The following TAFA4 variants were observed in gnomAD, a reference collection of about 807,000 sequenced individuals.
TAFA4 encodes the protein chemokine-like protein TAFA-4.
A neutral mutation model predicts 21.1 loss-of-function variants in TAFA4; 20 were observed. That is an observed-to-expected ratio of 0.95 (90% CI 0.67 to 1.38). The LOEUF (loss-of-function observed/expected upper bound fraction) is 1.38, where lower values mean the gene tolerates loss of function less well. Among genes scored for constraint, TAFA4 ranks in the 40% most tolerant of loss-of-function variants. The probability of loss-of-function intolerance (pLI) is 0.00; values close to 1 mark genes in which losing one functional copy is unlikely to be tolerated. For synonymous variants in TAFA4, 71 were observed against 67.4 expected, an observed-to-expected ratio of 1.05 and a Z score of -0.26; for missense variants, 211 against 180.9, an observed-to-expected ratio of 1.17 and a Z score of -0.95.
intron 1 of TAFA4, chr3:68,913,731 C>G (rs1438977663): frequency 6.6e-6 from 1 of 150,414 alleles, no homozygotes; most frequent in Non-Finnish European, 1.5e-5. Flanking sequence ...TTATCTGTTA[C>G]TAATCTGATC....
chr3:68,771,561 C>T (rs1029999900), intron 3 of TAFA4, among the ~76,000 whole-genome samples: 15 of 152,208 alleles, frequency 9.9e-5, no homozygotes, highest in African/African-American at 3.4e-4. Flanking sequence ...TAGGAGTAAA[C>T]ATTTCCAGAT....
At chr3:68,931,413 T>C (rs1357656007) in intron 1 of TAFA4, among the ~76,000 whole-genome samples, 1 of 152,124 alleles carries the variant, frequency 6.6e-6, no homozygotes, top group Non-Finnish European at 1.5e-5. Flanking sequence ...CGTTAAATGA[T>C]GCTGATTCGA....
intron 3 of TAFA4, among the ~76,000 whole-genome samples, chr3:68,847,417 C>T (rs1218406337): frequency 6.6e-6 from 1 of 152,248 alleles, no homozygotes; most frequent in African/African-American, 2.4e-5. Context: ...GTGCTGGCAG[C>T]AAGAATTTCA....
intron 1 of TAFA4, among the ~76,000 whole-genome samples, chr3:68,888,860 C>G (rs2089702847): frequency 1.3e-5 from 2 of 152,088 alleles, no homozygotes; most frequent in South Asian, 4.2e-4. Flanking sequence ...TAATCCACCT[C>G]TTCATAATCC....
intron 3 of TAFA4, among the ~76,000 whole-genome samples, chr3:68,856,409 C>A (rs563650034): frequency 1.3e-5 from 2 of 152,286 alleles, no homozygotes; most frequent in South Asian, 4.1e-4. Flanking sequence ...ATAGGCACCA[C>A]AGTTGCTTAT....
intron 5 of TAFA4, among the ~76,000 whole-genome samples, chr3:68,737,112 T>C (rs1702255140): frequency 1.3e-5 from 2 of 152,148 alleles, no homozygotes; most frequent in South Asian, 4.1e-4. Flanking sequence ...CTCATGATCT[T>C]GTTTTATATT....
At chr3:68,810,242 T>C (rs1374044550) in intron 3 of TAFA4, among the ~76,000 whole-genome samples, 1 of 152,100 alleles carries the variant, frequency 6.6e-6, no homozygotes, top group Admixed American at 6.6e-5. Flanking sequence ...GCTCCCAGCA[T>C]GAGAGACGCA....
At chr3:68,742,278 G>C (rs145385964) in intron 4 of TAFA4, among the ~76,000 whole-genome samples, 39 of 92,932 alleles carry the variant, frequency 4.2e-4, no homozygotes, top group Admixed American at 1.3e-3. Context: ...CTATTCAATA[G>C]AGTACCAAAA....
chr3:68,902,985 T>C (rs2089858853), intron 1 of TAFA4, among the ~76,000 whole-genome samples: 2 of 148,558 alleles, frequency 1.3e-5, no homozygotes, highest in South Asian at 4.3e-4. Context: ...TGGCCATTTC[T>C]ATAATAGACG....
At chr3:68,852,056 G>C (rs921618374) in intron 3 of TAFA4, among the ~76,000 whole-genome samples, 5 of 152,158 alleles carry the variant, frequency 3.3e-5, no homozygotes, top group African/African-American at 4.8e-5. Flanking sequence ...AGTGGCCAAA[G>C]ACCACACTTT....
intron 3 of TAFA4, among the ~76,000 whole-genome samples, chr3:68,794,592 C>T (rs1703421346): frequency 1.3e-5 from 2 of 152,094 alleles, no homozygotes; most frequent in African/African-American, 4.8e-5. Context: ...CATCATATTG[C>T]TTTCAAAATT....
intron 5 of TAFA4, 102 bp from the exon 6 acceptor site, chr3:68,733,255 C>A: frequency 1.4e-6 from 2 of 1,432,834 alleles, no homozygotes; most frequent in South Asian, 1.4e-5. Flanking sequence ...AATACTTTAT[C>A]AGTTTGTACA....
At chr3:68,812,237 C>A (rs1484120174) in intron 3 of TAFA4, among the ~76,000 whole-genome samples, 1 of 152,180 alleles carries the variant, frequency 6.6e-6, no homozygotes, top group East Asian at 1.9e-4. Context: ...CTTGTAAAGA[C>A]CATTGAGGCA....
intron 3 of TAFA4, among the ~76,000 whole-genome samples, chr3:68,862,914 A>G (rs1448520822): frequency 6.6e-6 from 1 of 151,918 alleles, no homozygotes; most frequent in African/African-American, 2.4e-5. Context: ...AGCTAAAATG[A>G]GTAAGAATAC....
chr3:68,763,111 T>G (rs1559513106), intron 3 of TAFA4, among the ~76,000 whole-genome samples: 1 of 152,188 alleles, frequency 6.6e-6, no homozygotes, highest in Non-Finnish European at 1.5e-5. Context: ...AACTGAGAAT[T>G]TGGCAGATTT....
intron 2 of TAFA4, among the ~76,000 whole-genome samples, chr3:68,882,019 CT>C (rs2089624361): frequency 6.6e-6 from 1 of 152,192 alleles, no homozygotes; most frequent in Non-Finnish European, 1.5e-5. Flanking sequence ...TCAAATAGAT[CT>C]TGTTAAAGGG....
At chr3:68,784,531 T>G (rs1703213734) in intron 3 of TAFA4, among the ~76,000 whole-genome samples, 1 of 151,992 alleles carries the variant, frequency 6.6e-6, no homozygotes, top group African/African-American at 2.4e-5. Context: ...GAGTTCTTCG[T>G]TCCTCCCAGT....
At chr3:68,888,392 TGAGCCCTCACCA>T (rs1270050565) in intron 1 of TAFA4, among the ~76,000 whole-genome samples, 1 of 152,164 alleles carries the variant, frequency 6.6e-6, no homozygotes, top group African/African-American at 2.4e-5. Flanking sequence ...TATTCTCTTC[TGAGCCCTCACCA>T]GAGCCACCCT....
intron 1 of TAFA4, among the ~76,000 whole-genome samples, chr3:68,913,006 A>T (rs2089973965): frequency 6.6e-6 from 1 of 152,320 alleles, no homozygotes; most frequent in East Asian, 1.9e-4. Context: ...TATTTCCCCA[A>T]CTGGGTTATA....
Sources: gnomAD v4.1 joint callset for allele counts (sites outside exome capture counted in the v4.1 genomes callset) on GRCh38, gnomAD v4.1.1 for gene constraint, MANE v1.5 for transcripts, NCBI Gene and HGNC (gene_info 2026-07-23, HGNC 2026-07-21) for gene names.